XIRP2: variants seen among roughly 807,000 people sequenced by gnomAD.
XIRP2 encodes the protein xin actin binding repeat containing 2, also known as xin actin-binding repeat-containing protein 2.
In XIRP2, 236 loss-of-function variants were observed where a neutral mutation model predicts 277.0. The observed-to-expected ratio is 0.85, with a 90% CI of 0.77 to 0.95. XIRP2 has a LOEUF of 0.95. Ranked by LOEUF, XIRP2 falls within the 40% of genes least tolerant of loss-of-function variation. The probability of loss-of-function intolerance (pLI) is 0.00; values close to 1 mark genes in which losing one functional copy is unlikely to be tolerated. For missense variants in XIRP2, 4,640 were observed against 4,157.5 expected (o/e 1.12, Z -3.19); for synonymous variants, 1,490 against 1,416.5 (o/e 1.05, Z -1.17).
chr2:167,077,713 G>T (rs1167914308), intron 2 of XIRP2, among the ~76,000 whole-genome samples: 1 of 152,180 alleles, frequency 6.6e-6, no homozygotes, highest in Non-Finnish European at 1.5e-5. Flanking sequence ...CTGAAGGCAG[G>T]ATTATGTCTC....
intron 3 of XIRP2, among the ~76,000 whole-genome samples, chr2:167,172,786 A>T (rs766497952): frequency 1.4e-4 from 22 of 152,178 alleles, no homozygotes; most frequent in Non-Finnish European, 2.6e-4. Context: ...CAATTTGTGC[A>T]GTTAATGCAA....
chr2:167,149,330 C>G (rs1400345591), intron 3 of XIRP2, among the ~76,000 whole-genome samples: 1 of 152,090 alleles, frequency 6.6e-6, no homozygotes, highest in Non-Finnish European at 1.5e-5. Flanking sequence ...AAAAAAGTCC[C>G]ATAGATAAAG....
Position 167,030,550 on chromosome 2 carries a change from C to T in XIRP2, c.409-105359C>T, listed in dbSNP as rs13028603. On this transcript the variant is annotated intron_variant, in intron 2 of 10. Coordinates refer to ENST00000409195, the MANE Select transcript of XIRP2 (RefSeq NM_152381.6). ...TGAGTGAGTTTCTTAATCCTGAGTT[C>T]TCATTTGATTGCACTGTGGTCTGAG... Among the ~76,000 whole-genome samples the T allele has an allele frequency of 3.9e-5, 6 of 152,114 alleles. No homozygotes were observed. In the East Asian group the frequency reaches 9.6e-4, roughly 24 times the overall value.
intron 2 of XIRP2, among the ~76,000 whole-genome samples, chr2:167,059,269 AT>A (rs1205513113): frequency 6.7e-6 from 1 of 150,126 alleles, no homozygotes; most frequent in Non-Finnish European, 1.5e-5. Context: ...ATGCGTGGCT[AT>A]TTTTTTATTT....
intron 3 of XIRP2, among the ~76,000 whole-genome samples, chr2:167,146,091 G>A (rs1025277558): frequency 2.7e-5 from 4 of 150,810 alleles, no homozygotes; most frequent in Non-Finnish European, 4.4e-5. Flanking sequence ...GGAAAGAAGC[G>A]AAGACAATTT....
chr2:167,149,451 G>A (rs1691950811), intron 3 of XIRP2, among the ~76,000 whole-genome samples: 1 of 152,086 alleles, frequency 6.6e-6, no homozygotes, highest in African/African-American at 2.4e-5. Context: ...AAACATCAAT[G>A]AAGAATTTGA....
intron 2 of XIRP2, among the ~76,000 whole-genome samples, chr2:166,907,976 G>A (rs929340599): frequency 6.6e-6 from 1 of 152,000 alleles, no homozygotes; most frequent in African/African-American, 2.4e-5. Context: ...AGTATTCCAT[G>A]GTGTATATGT....
At chr2:167,110,195 A>G (rs930587972) in intron 2 of XIRP2, among the ~76,000 whole-genome samples, 1 of 151,852 alleles carries the variant, frequency 6.6e-6, no homozygotes, top group Non-Finnish European at 1.5e-5. Context: ...CTATTTGTTA[A>G]TTTTTTTCCT....
chr2:166,920,243 C>T (rs1400952426), intron 2 of XIRP2, among the ~76,000 whole-genome samples: 1 of 152,122 alleles, frequency 6.6e-6, no homozygotes, highest in East Asian at 1.9e-4. Flanking sequence ...TAATTATTCC[C>T]ATTTAACAGC....
chr2:166,908,541 A>G (rs1282011709), intron 2 of XIRP2, among the ~76,000 whole-genome samples: 1 of 152,128 alleles, frequency 6.6e-6, no homozygotes, highest in African/African-American at 2.4e-5. Context: ...GTAGATTGCA[A>G]AAATTTTCTC....
intron 5 of XIRP2, among the ~76,000 whole-genome samples, chr2:167,228,905 A>G (rs1416388747): frequency 6.6e-6 from 1 of 152,142 alleles, no homozygotes; most frequent in Non-Finnish European, 1.5e-5. Context: ...CCTATTTTCA[A>G]TTTCATTTAG....
At chr2:167,069,895 G>A (rs569998081) in intron 2 of XIRP2, among the ~76,000 whole-genome samples, 1 of 152,126 alleles carries the variant, frequency 6.6e-6, no homozygotes, top group South Asian at 2.1e-4. Context: ...TTTTTCTGAG[G>A]AGTGCTGCTC....
chr2:167,040,354 G>A (rs1373781812), intron 2 of XIRP2, among the ~76,000 whole-genome samples: 1 of 152,074 alleles, frequency 6.6e-6, no homozygotes, highest in Admixed American at 6.6e-5. Flanking sequence ...TAGGAACTCT[G>A]CCTGGGATTG....
intron 3 of XIRP2, among the ~76,000 whole-genome samples, chr2:167,202,607 G>A (rs930599195): frequency 2.0e-5 from 3 of 152,114 alleles, no homozygotes; most frequent in African/African-American, 4.8e-5. Context: ...GTGTATTTAC[G>A]TGTCTGTGCA....
At chr2:166,909,596 A>G (rs1384752368) in intron 2 of XIRP2, among the ~76,000 whole-genome samples, 1 of 152,188 alleles carries the variant, frequency 6.6e-6, no homozygotes, top group Non-Finnish European at 1.5e-5. Flanking sequence ...TTCCTAATTG[A>G]ATACCCTTAA....
rs777590969 is a variant in XIRP2 at position 167,245,849 on chromosome 2, A to T, written c.4457A>T (p.Asp1486Val). Residue 1486 changes from aspartate (D) to valine (V), a missense_variant, in exon 9 of 11, where the codon GAT becomes GTT. Coordinates refer to ENST00000409195, the MANE Select transcript of XIRP2 (RefSeq NM_152381.6). ...ACTCAGGAAGATGTGCAGAAAGGTG[A>T]TGTTAAGCAGGCTGTGTGGCTTTTT... is the stretch of plus-strand genomic sequence containing the variant. ...TVTQEDVQKG[D>V]VKQAVWLFEN... The T allele has an allele frequency of 7.4e-6, 12 of 1,613,686 alleles. No individual in the cohort carries two copies. The highest frequency in any genetic ancestry group is 1.0e-5 in the Non-Finnish European group (12 of 1,179,810).
chr2:167,054,687 A>AG (rs1246729926), intron 2 of XIRP2, among the ~76,000 whole-genome samples: 1 of 151,298 alleles, frequency 6.6e-6, no homozygotes, highest in Non-Finnish European at 1.5e-5. Flanking sequence ...CAGTCGCAAA[A>AG]AAAAAAAAAA....
chr2:166,903,340 T>C, intron 1 of XIRP2, 125 bp from the exon 2 acceptor site: 1 of 889,136 alleles, frequency 1.1e-6, no homozygotes, highest in Non-Finnish European at 1.7e-6. Flanking sequence ...TGGAATTGTA[T>C]AGGAAAGCTG....
chr2:166,917,465 C>T (rs1225328216), intron 2 of XIRP2, among the ~76,000 whole-genome samples: 1 of 152,104 alleles, frequency 6.6e-6, no homozygotes, highest in African/African-American at 2.4e-5. Flanking sequence ...TGCTATTTTA[C>T]TGCTTCCTGT....
Sources: gnomAD v4.1 joint callset for allele counts (sites outside exome capture counted in the v4.1 genomes callset) on GRCh38, gnomAD v4.1.1 for gene constraint, MANE v1.5 for transcripts, NCBI Gene and HGNC (gene_info 2026-07-23, HGNC 2026-07-21) for gene names.